Variants in ABCC9 observed in about 807,000 individuals in gnomAD.
The protein encoded by ABCC9 is ATP binding cassette subfamily C member 9.
Under a neutral mutation model 188.3 loss-of-function variants are expected in ABCC9, and 95 were observed. The observed-to-expected ratio is 0.50, with a 90% CI of 0.43 to 0.60. The LOEUF (loss-of-function observed/expected upper bound fraction) is 0.60. Among genes scored for constraint, ABCC9 ranks in the 20% least tolerant of loss-of-function variants. The pLI is 0.00. For synonymous variants in ABCC9, 659 were observed against 652.7 expected (o/e 1.01, Z -0.15); for missense variants, 1,102 against 1,876.3 (o/e 0.59, Z 7.62).
At chr12:21,861,694 A>G (rs886694548) in intron 20 of ABCC9, among the ~76,000 whole-genome samples, 1 of 152,246 alleles carries the variant, frequency 6.6e-6, no homozygotes, top group Non-Finnish European at 1.5e-5. Flanking sequence ...CAGAGGAGGC[A>G]AAGCTTAAAC....
rs1248287309 is a variant in ABCC9, at chr12:21,799,555, A to G, written c.*1489T>C. On this transcript the variant is annotated 3_prime_UTR_variant, in exon 40 of 40. Transcript: ENST00000261200. Reference sequence around the variant, plus strand: ...TAAATATCATGGACCATTTTTGTCCATCTTGTGGAACTTATTTTTTTGTAA... The same window carrying G: ...TAAATATCATGGACCATTTTTGTCCGTCTTGTGGAACTTATTTTTTTGTAA... The G allele has an allele frequency of 6.6e-6, 1 of 152,208 alleles. No individual in the cohort carries two copies. Among genetic ancestry groups the G allele is most frequent in the East Asian group, 1.9e-4 (1 of 5,198 alleles). The allele number at this position is 152,208 out of a possible 1,614,324, so 9.4% of individuals were successfully genotyped here.
chr12:21,873,678 C>T (rs149636048), intron 17 of ABCC9, among the ~76,000 whole-genome samples: 32 of 152,162 alleles, frequency 2.1e-4, no homozygotes, highest in East Asian at 1.5e-3. Flanking sequence ...TACAAACCTA[C>T]GGTAATCAAA....
At chr12:21,906,343 G>T in intron 11 of ABCC9, 55 bp from the exon 12 acceptor site, 2 of 1,534,792 alleles carry the variant, frequency 1.3e-6, no homozygotes. Flanking sequence ...AATCAGAAAG[G>T]CAGAACCATG....
In ABCC9 at chr12:21,799,818, G is replaced by A. The variant is rs893795682; in HGVS notation, c.*1226C>T. The A allele has an allele frequency of 6.6e-6, 1 of 152,144 alleles. No individual in the cohort carries two copies. The highest frequency in any genetic ancestry group is 1.9e-4 in the East Asian group (1 of 5,198). The allele number at this position is 152,144 out of a possible 1,614,324, so 9.4% of individuals were successfully genotyped here. A position where few individuals can be genotyped will look rare whatever the true frequency, so the allele number is the denominator to read the frequency against. ...GATGGGCACAGAATAGTAGAAACTG[G>A]TTGCTAACGTGACAAAGAAGGTGAC... On this transcript the variant is annotated 3_prime_UTR_variant, in exon 40 of 40. Coordinates refer to ENST00000261200, the MANE Select transcript of ABCC9 (RefSeq NM_020297.4).
At chr12:21,888,088 A>T in intron 14 of ABCC9, 154 bp from the exon 15 acceptor site, 2 of 672,884 alleles carry the variant, frequency 3.0e-6, no homozygotes, top group Non-Finnish European at 5.5e-6. Flanking sequence ...AGCTAGATCG[A>T]CCAAACATCC....
Position 21,814,654 on chromosome 12 carries a change from A to C in ABCC9, c.4092T>G (p.Asp1364Glu). 1 of 1,613,978 alleles carries C rather than the reference A, an allele frequency of 6.2e-7. No individual in the cohort carries two copies. Among genetic ancestry groups the C allele is most frequent in the Non-Finnish European group, 8.5e-7 (1 of 1,179,924 alleles). The change falls in exon 35 of 40, where the codon GAT (aspartate) becomes GAG (glutamate). Residue 1364 changes from aspartate (D) to glutamate (E), a missense_variant. Around this residue, in one of 12 missense-constraint regions of ABCC9, gnomAD observed 67 missense variants for 101.0 expected, o/e 0.66. Coordinates refer to ENST00000261200, the MANE Select transcript of ABCC9 (RefSeq NM_020297.4). ...SLSLAFFRMV[D>E]IFDGKIVIDG... ...TAGTTAGCAACTCACCATCAAATATATCAACCATTCTGAAGAAAGCCAGAG... is the reference window on the plus strand; with the variant it reads ...TAGTTAGCAACTCACCATCAAATATCTCAACCATTCTGAAGAAAGCCAGAG...
At position 21,800,791 on chromosome 12, in the gene ABCC9, T is replaced by C; in HGVS notation, c.*253A>G. On this transcript the variant is annotated 3_prime_UTR_variant, in exon 40 of 40. Transcript: ENST00000261200. ...CTATTGATTTATCACTTAAAGTAGC[T>C]TACATGTTTTAATACAACCTAGCTA... 4.2e-6 allele frequency: 2 copies of C among 481,492 alleles called. No homozygotes were observed. Among genetic ancestry groups the C allele is most frequent in the South Asian group, 2.2e-5 (1 of 44,568 alleles). 29.8% of individuals were successfully genotyped at this position (481,492 alleles called of 1,614,324 possible).
At chr12:21,886,024 T>C (rs1946859118) in intron 15 of ABCC9, among the ~76,000 whole-genome samples, 1 of 152,168 alleles carries the variant, frequency 6.6e-6, no homozygotes, top group Admixed American at 6.6e-5. Context: ...ATAACTAACA[T>C]TAACTTATGA....
In ABCC9 at chr12:21,799,707, C is replaced by G. The variant is rs1941341548; in HGVS notation, c.*1337G>C. The G allele has an allele frequency of 6.6e-6, 1 of 152,252 alleles. No homozygotes were observed. The highest frequency in any genetic ancestry group is 2.4e-5 in the African/African-American group (1 of 41,558). The allele number at this position is 152,252 out of a possible 1,614,324, so 9.4% of individuals were successfully genotyped here. ...ACTATAGGAAAGTGGCATAATTTCT[C>G]TTAATTCATCAATTTTATATATCTT... is the stretch of plus-strand genomic sequence containing the variant. On this transcript the variant is annotated 3_prime_UTR_variant, in exon 40 of 40. Coordinates refer to ENST00000261200, the MANE Select transcript of ABCC9 (RefSeq NM_020297.4).
chr12:21,837,864 T>TATAAAG (rs1944181085), intron 30 of ABCC9, among the ~76,000 whole-genome samples: 1 of 152,198 alleles, frequency 6.6e-6, no homozygotes, highest in Non-Finnish European at 1.5e-5. Flanking sequence ...TTTTCCTATC[T>TATAAAG]GTTGCTTCAT....
At chr12:21,909,083 G>C (rs1948191132) in intron 10 of ABCC9, among the ~76,000 whole-genome samples, 2 of 151,972 alleles carry the variant, frequency 1.3e-5, no homozygotes, top group African/African-American at 4.8e-5. Flanking sequence ...GGTAGTTTGA[G>C]ATATCCAATA....
At position 21,812,091 on chromosome 12, in the gene ABCC9, GA is replaced by G; in HGVS notation, c.4168del (p.Ser1390GlnfsTer18). The G allele has an allele frequency of 6.2e-7, 1 of 1,613,144 alleles. No homozygotes were observed. The highest frequency in any genetic ancestry group is 8.5e-7 in the Non-Finnish European group (1 of 1,179,244). On this transcript the variant is annotated frameshift_variant, in exon 36 of 40. Transcript: ENST00000261200. LOFTEE classifies it high-confidence loss of function. ...TAGTATTGGATCCTGCAGAATGATT[GA>G]AAGTCTAGAACGTAGTGTGTGCAGT... ...LPLHTLRSRL[S>X]IILQDPILFS...
At chr12:21,803,707 A>G (rs1397580517) in intron 39 of ABCC9, among the ~76,000 whole-genome samples, 3 of 152,014 alleles carry the variant, frequency 2.0e-5, no homozygotes, top group Non-Finnish European at 4.4e-5. Flanking sequence ...AGAAATAAAT[A>G]TAGTTGGTTT....
rs572654650 is a variant in ABCC9 at position 21,799,672 on chromosome 12, G to A, written c.*1372C>T. 1 of 152,144 alleles carries A rather than the reference G, an allele frequency of 6.6e-6. No individual in the cohort carries two copies. The highest frequency in any genetic ancestry group is 1.5e-5 in the Non-Finnish European group (1 of 67,998). 9.4% of individuals were successfully genotyped at this position (152,144 alleles called of 1,614,324 possible). A position where few individuals can be genotyped will look rare whatever the true frequency, so the allele number is the denominator to read the frequency against. On this transcript the variant is annotated 3_prime_UTR_variant, in exon 40 of 40. Transcript: ENST00000261200. ...GAGTGAATACACCATACAATAAACAGAACACAGAAACTATAGGAAAGTGGC... is the reference window on the plus strand; with the variant it reads ...GAGTGAATACACCATACAATAAACAAAACACAGAAACTATAGGAAAGTGGC...
intron 12 of ABCC9, among the ~76,000 whole-genome samples, chr12:21,901,124 G>A (rs190455155): frequency 6.6e-6 from 1 of 152,324 alleles, no homozygotes; most frequent in African/African-American, 2.4e-5. Flanking sequence ...AACTCTACAA[G>A]CCAGAAGAGA....
At chr12:21,904,201 G>T (rs896121809) in intron 12 of ABCC9, among the ~76,000 whole-genome samples, 1 of 152,184 alleles carries the variant, frequency 6.6e-6, no homozygotes, top group African/African-American at 2.4e-5. Flanking sequence ...TTAATAAATG[G>T]TGCTGGGAAA....
Position 21,917,099 on chromosome 12 carries a change from C to T in ABCC9, c.411G>A (p.Leu137=), listed in dbSNP as rs368753369. The change falls in exon 6 of 40, where the codon CTG becomes CTA. Residue 137 remains leucine (L), a synonymous_variant. Coordinates refer to ENST00000261200, the MANE Select transcript of ABCC9 (RefSeq NM_020297.4). The part of the protein sequence containing the change: ...TSNFPKLLLA[L]FLYWVMAFIT... ...TAAAGGCCATTACCCAATACAGGAA[C>T]AGGGCTGAAAAGAAAAAGACAAAAA... 3.1e-6 allele frequency: 5 copies of T among 1,613,378 alleles called. No individual in the cohort carries two copies. The highest frequency in any genetic ancestry group is 1.3e-5 in the African/African-American group (1 of 74,866).
At chr12:21,817,753 G>C (rs1304222371) in intron 32 of ABCC9, among the ~76,000 whole-genome samples, 1 of 152,022 alleles carries the variant, frequency 6.6e-6, no homozygotes, top group Non-Finnish European at 1.5e-5. Flanking sequence ...CATAAAGCTG[G>C]GTTTGGGCCC....
intron 30 of ABCC9, 42 bp downstream of exon 30, chr12:21,838,036 T>A: frequency 1.4e-6 from 2 of 1,404,658 alleles, no homozygotes; most frequent in Non-Finnish European, 1.0e-6. Context: ...TTGTTGATGA[T>A]GTTATTGCCT....
Sources: gnomAD v4.1 joint callset for allele counts (sites outside exome capture counted in the v4.1 genomes callset) on GRCh38, gnomAD v4.1.1 for gene constraint, gnomAD v4.1.1 regional missense constraint, MANE v1.5 for transcripts, NCBI Gene and HGNC (gene_info 2026-07-23, HGNC 2026-07-21) for gene names.